Variants in PCTP observed in about 807,000 individuals in gnomAD.
The protein encoded by PCTP is START domain-containing protein 2.
PCTP carries 27 observed loss-of-function variants against 31.0 expected under a neutral mutation model. That is an observed-to-expected ratio of 0.87 (90% CI 0.64 to 1.20). The LOEUF is 1.20. Ranked by LOEUF, PCTP falls within the 50% of genes most tolerant of loss-of-function variation. The pLI, the probability that PCTP is intolerant of heterozygous loss-of-function variation, is 0.00. For synonymous variants in PCTP, 108 were observed against 101.2 expected (o/e 1.07, Z -0.40); for missense variants, 287 against 268.2 (o/e 1.07, Z -0.49).
chr17:55,774,734 T>A, intron 4 of PCTP, 58 bp from the exon 5 acceptor site: 1 of 1,323,372 alleles, frequency 7.6e-7, no homozygotes, highest in Non-Finnish European at 1.1e-6. Context: ...ACAGTTTTGT[T>A]GCTATATTTT....
At chr17:55,807,289 A>G (rs566090960) in intron 3 of PCTP, among the ~76,000 whole-genome samples, 1 of 152,300 alleles carries the variant, frequency 6.6e-6, no homozygotes, top group South Asian at 2.1e-4. Context: ...CTGAGTTCTC[A>G]GAAGTGTTTA....
chr17:55,767,414 A>T lies in PCTP; in HGVS notation c.221A>T (p.Asp74Val), dbSNP rs1434367568. 6.2e-7 allele frequency: 1 copy of T among 1,612,514 alleles called. No homozygotes were observed. The highest frequency in any genetic ancestry group is 1.1e-5 in the South Asian group (1 of 91,016). The change falls in exon 2 of 6, where the codon GAC becomes GTC. Residue 74 changes from aspartate (D) to valine (V), a missense_variant. Transcript: ENST00000268896. ...ACTCTACTGGCAGACATCTATATGG[A>T]CTCAGATTACAGAAAACAATGGGAC... The part of the protein sequence containing the change: ...SPTLLADIYM[D>V]SDYRKQWDQY...
At chr17:55,786,670 A>G (rs760312995) in intron 2 of PCTP, among the ~76,000 whole-genome samples, 2 of 152,146 alleles carry the variant, frequency 1.3e-5, no homozygotes, top group African/African-American at 4.8e-5. Context: ...TGTAAGTTCT[A>G]TTTATCAAGT....
downstream of PCTP, among the ~76,000 whole-genome samples, chr17:55,845,085 CAAAAAAAAAAAAAAAA>C (rs891404386): frequency 1.8e-4 from 6 of 32,526 alleles, no homozygotes; most frequent in African/African-American, 5.1e-4. Context: ...AAAACTCCAT[CAAAAAAAAAAAAAAAA>C]AAAAAAAAAA....
chr17:55,838,637 G>A (rs1432079052), intron 5 of PCTP, among the ~76,000 whole-genome samples: 2 of 152,140 alleles, frequency 1.3e-5, no homozygotes, highest in Admixed American at 6.5e-5. Flanking sequence ...GATATTTATT[G>A]AATGAAGAGT....
At chr17:55,790,739 T>A (rs1267786998) in intron 3 of PCTP, among the ~76,000 whole-genome samples, 1 of 149,446 alleles carries the variant, frequency 6.7e-6, no homozygotes, top group East Asian at 1.9e-4. Context: ...CCAAGGTAAT[T>A]TACAGATTCA....
At chr17:55,808,729 G>A (rs1598010323) in intron 3 of PCTP, among the ~76,000 whole-genome samples, 1 of 152,116 alleles carries the variant, frequency 6.6e-6, no homozygotes, top group South Asian at 2.1e-4. Flanking sequence ...TAACTAAGGG[G>A]CAGTAATACG....
chr17:55,770,643 T>G (rs558387776), intron 2 of PCTP: 2 of 152,580 alleles, frequency 1.3e-5, no homozygotes, highest in Non-Finnish European at 2.9e-5. Context: ...CAGTGGAAAT[T>G]AATCGGTTTG....
In PCTP at chr17:55,751,492, G is replaced by A. The variant is rs772067363; in HGVS notation, c.141+248G>A. On this transcript the variant is annotated intron_variant, in intron 1 of 5. Coordinates refer to ENST00000268896, the MANE Select transcript of PCTP (RefSeq NM_021213.4). The stretch of plus-strand genomic sequence containing the variant: ...TTCAGCCTCAGGTCAGGCCCGACGG[G>A]GCATGTAGTTAGAAGTTAATGACAG... 9.2e-6 allele frequency: 14 copies of A among 1,524,186 alleles called. No homozygotes were observed. The South Asian group carries it at 1.4e-4, about 16-fold the overall frequency. 94.4% of individuals were successfully genotyped at this position (1,524,186 alleles called of 1,614,324 possible).
At chr17:55,770,308 A>C (rs1222442758) in intron 2 of PCTP, 4 of 152,250 alleles carry the variant, frequency 2.6e-5, no homozygotes, top group African/African-American at 9.6e-5. Context: ...TAACTATTCA[A>C]GAAGGACGTT....
intron 3 of PCTP, among the ~76,000 whole-genome samples, chr17:55,792,374 C>T (rs936566550): frequency 1.5e-4 from 22 of 150,734 alleles, no homozygotes; most frequent in Admixed American, 2.0e-4. Flanking sequence ...AACACTTTCT[C>T]AAAGTTTGAA....
chr17:55,819,373 A>T (rs1847760471), intron 3 of PCTP, among the ~76,000 whole-genome samples: 1 of 152,210 alleles, frequency 6.6e-6, no homozygotes, highest in South Asian at 2.1e-4. Context: ...CTATCTGAGG[A>T]TACATAATTT....
At chr17:55,834,007 T>C (rs1222315575) in intron 5 of PCTP, among the ~76,000 whole-genome samples, 1 of 152,142 alleles carries the variant, frequency 6.6e-6, no homozygotes, top group Non-Finnish European at 1.5e-5. Context: ...AAGACTGACT[T>C]ACAAAAATGT....
chr17:55,763,986 A>G (rs1910490827), intron 1 of PCTP, among the ~76,000 whole-genome samples: 1 of 152,150 alleles, frequency 6.6e-6, no homozygotes, highest in African/African-American at 2.4e-5. Context: ...CCTCGAAGGG[A>G]ATGTTTAAAG....
At position 55,767,430 on chromosome 17, in the gene PCTP, A is replaced by ACAATG; in HGVS notation, c.238_242dup (p.Trp81CysfsTer25). 1.2e-6 allele frequency: 2 copies of ACAATG among 1,609,318 alleles called. No individual in the cohort carries two copies. The highest frequency in any genetic ancestry group is 1.7e-6 in the Non-Finnish European group (2 of 1,176,004). On this transcript the variant is annotated frameshift_variant, in exon 2 of 6. Coordinates refer to ENST00000268896, the MANE Select transcript of PCTP (RefSeq NM_021213.4). LOFTEE classifies it high-confidence loss of function. ...TCTATATGGACTCAGATTACAGAAA[A>ACAATG]CAATGGGACCAGTATGTTAAAGGTG...
chr17:55,763,974 T>G (rs562089516), intron 1 of PCTP, among the ~76,000 whole-genome samples: 1 of 152,212 alleles, frequency 6.6e-6, no homozygotes, highest in African/African-American at 2.4e-5. Context: ...TGCTCAGTTC[T>G]GCCTCGAAGG....
intron 5 of PCTP, among the ~76,000 whole-genome samples, chr17:55,829,356 G>A (rs1481010753): frequency 6.6e-6 from 1 of 152,110 alleles, no homozygotes; most frequent in Non-Finnish European, 1.5e-5. Flanking sequence ...TGTCACCCAG[G>A]CTGGAGTGCA....
intron 5 of PCTP, among the ~76,000 whole-genome samples, chr17:55,831,482 C>T (rs1905593566): frequency 6.6e-6 from 1 of 152,188 alleles, no homozygotes; most frequent in Non-Finnish European, 1.5e-5. Context: ...CTTTGGGCAT[C>T]AGCTTCCTTC....
At position 55,773,718 on chromosome 17, in the gene PCTP, A is replaced by G. The variant is rs1159351390; in HGVS notation, c.340-6A>G. 3 of 1,605,314 alleles carry G rather than the reference A, an allele frequency of 1.9e-6. No homozygotes were observed. Among genetic ancestry groups the G allele is most frequent in the South Asian group, 1.1e-5 (1 of 90,714 alleles). ...CGTTGGTGTCTTGCCTTAACTGGCT[A>G]TGCAGTATGTCTACCTTCGGCAGCG... On this transcript the variant is annotated splice_polypyrimidine_tract_variant and splice_region_variant and intron_variant, in intron 3 of 5. Transcript: ENST00000268896.
Sources: allele counts gnomAD v4.1 joint callset (sites outside exome capture counted in the v4.1 genomes callset), GRCh38; gene constraint gnomAD v4.1.1; transcripts MANE v1.5; gene names NCBI Gene and HGNC (gene_info 2026-07-23, HGNC 2026-07-21).